Variants in RYR3 observed in about 807,000 individuals in gnomAD.
RYR3 encodes ryanodine receptor 3.
A neutral mutation model predicts 584.3 loss-of-function variants in RYR3; 207 were observed. The observed-to-expected ratio is 0.35, with a 90% CI of 0.32 to 0.40. RYR3 has a LOEUF of 0.40. Ranked by LOEUF, RYR3 falls within the 10% of genes least tolerant of loss-of-function variation. The probability of loss-of-function intolerance (pLI) is 1.00; values close to 1 mark genes in which losing one functional copy is unlikely to be tolerated. For missense variants in RYR3, 5,616 were observed against 6,089.2 expected (o/e 0.92, Z 2.59); for synonymous variants, 2,416 against 2,248.5 (o/e 1.07, Z -2.11).
At chr15:33,802,615 G>A (rs770486532) in intron 69 of RYR3, among the ~76,000 whole-genome samples, 8 of 152,140 alleles carry the variant, frequency 5.3e-5, no homozygotes, top group South Asian at 4.1e-4. Flanking sequence ...CTCCTCTTGC[G>A]TCGGCTCTGC....
intron 43 of RYR3, among the ~76,000 whole-genome samples, chr15:33,718,597 G>A (rs571786061): frequency 6.6e-6 from 1 of 152,126 alleles, no homozygotes; most frequent in Non-Finnish European, 1.5e-5. Flanking sequence ...TACATCAAAA[G>A]AATGGGAAGA....
intron 12 of RYR3, among the ~76,000 whole-genome samples, chr15:33,577,257 G>GA (rs2058347488): frequency 1.3e-5 from 2 of 152,048 alleles, no homozygotes; most frequent in African/African-American, 4.8e-5. Context: ...CACAGAATTA[G>GA]AAAAAACTAC....
chr15:33,825,388 GTATGTAACA>G (rs1456392242), intron 81 of RYR3, among the ~76,000 whole-genome samples: 2 of 152,124 alleles, frequency 1.3e-5, no homozygotes, highest in Admixed American at 1.3e-4. Flanking sequence ...CCCTCTACCT[GTATGTAACA>G]AAGTCTGTGA....
At position 33,813,594 on chromosome 15, in the gene RYR3, T is replaced by A; in HGVS notation, c.10502+15T>A. The stretch of plus-strand genomic sequence containing the variant: ...AACCTGCCCAGGCAAGTATTTTGTC[T>A]TTTTTCCTGGCATGTAAGCCAGCGA... On this transcript the variant is annotated intron_variant, in intron 74 of 103. Coordinates refer to ENST00000634891, the MANE Select transcript of RYR3 (RefSeq NM_001036.6). 1 of 1,602,584 alleles carries A rather than the reference T, an allele frequency of 6.2e-7. No homozygotes were observed. The highest frequency in any genetic ancestry group is 1.3e-5 in the African/African-American group (1 of 74,868).
At chr15:33,769,262 G>A (rs933228532) in intron 62 of RYR3, 90 bp downstream of exon 62, 27 of 971,620 alleles carry the variant, frequency 2.8e-5, no homozygotes, top group Non-Finnish European at 3.8e-5. Flanking sequence ...AAGACAGATC[G>A]CTGCTGCCAG....
intron 12 of RYR3, among the ~76,000 whole-genome samples, chr15:33,568,458 G>T (rs529973721): frequency 1.3e-4 from 20 of 152,078 alleles, no homozygotes; most frequent in Non-Finnish European, 2.5e-4. Context: ...GTACAGTTCC[G>T]TGAGACTTTA....
chr15:33,817,046 C>T (rs1259530141), intron 75 of RYR3, 88 bp downstream of exon 75: 2 of 781,492 alleles, frequency 2.6e-6, no homozygotes, highest in Non-Finnish European at 4.3e-6. Flanking sequence ...GTTAAACATT[C>T]ACAAGGAATC....
intron 1 of RYR3, among the ~76,000 whole-genome samples, chr15:33,368,822 A>G (rs1266151318): frequency 1.3e-5 from 2 of 152,094 alleles, no homozygotes; most frequent in African/African-American, 4.8e-5. Context: ...GATTGGAGAA[A>G]TAGCCTCCTA....
At chr15:33,778,805 A>G (rs1040385177) in intron 64 of RYR3, among the ~76,000 whole-genome samples, 9 of 152,190 alleles carry the variant, frequency 5.9e-5, no homozygotes, top group African/African-American at 2.2e-4. Flanking sequence ...AAAGGACAAG[A>G]CTGAGCCATC....
chr15:33,638,826 C>G (rs553531615), intron 27 of RYR3, among the ~76,000 whole-genome samples: 1 of 151,894 alleles, frequency 6.6e-6, no homozygotes, highest in Non-Finnish European at 1.5e-5. Context: ...TGCATGTTAA[C>G]TACAGAATAC....
chr15:33,751,691 T>C (rs771138176), intron 57 of RYR3, among the ~76,000 whole-genome samples: 4 of 152,156 alleles, frequency 2.6e-5, no homozygotes, highest in Non-Finnish European at 4.4e-5. Context: ...GCCTGTTCAC[T>C]CTGATGGTAG....
At chr15:33,456,535 T>C (rs1316285528) in intron 1 of RYR3, among the ~76,000 whole-genome samples, 2 of 152,192 alleles carry the variant, frequency 1.3e-5, no homozygotes, top group Non-Finnish European at 2.9e-5. Context: ...CTGTCTTGAA[T>C]TCCTGAGAGG....
chr15:33,452,410 C>G (rs1181645420), intron 1 of RYR3, among the ~76,000 whole-genome samples: 3 of 152,156 alleles, frequency 2.0e-5, no homozygotes, highest in Non-Finnish European at 2.9e-5. Context: ...GAAAAAAAAT[C>G]AGTCCCATTT....
chr15:33,372,873 AGT>A (rs1251949386), intron 1 of RYR3, among the ~76,000 whole-genome samples: 2 of 152,156 alleles, frequency 1.3e-5, no homozygotes, highest in African/African-American at 4.8e-5. Context: ...TGACTATTTC[AGT>A]GTGTGTCAAA....
At position 33,699,618 on chromosome 15, in the gene RYR3, T is replaced by C. The variant is rs563529870; in HGVS notation, c.6250-86T>C. ...TTCATTTTTCCAAGTGTTCACACTT[T>C]ACCCACTTAAGACTCTGAGGTCAGA... On this transcript the variant is annotated intron_variant, in intron 40 of 103. Coordinates refer to ENST00000634891, the MANE Select transcript of RYR3 (RefSeq NM_001036.6). 14 of 1,270,846 alleles carry C rather than the reference T, an allele frequency of 1.1e-5. No homozygotes were observed. In the African/African-American group the frequency reaches 1.9e-4, roughly 17 times the overall value. The allele number at this position is 1,270,846 out of a possible 1,614,324, so 78.7% of individuals were successfully genotyped here. A position where few individuals can be genotyped will look rare whatever the true frequency, so the allele number is the denominator to read the frequency against.
chr15:33,630,020 G>C lies in RYR3; in HGVS notation c.2760G>C (p.Leu920=), dbSNP rs750257218. The C allele has an allele frequency of 2.1e-5, 34 of 1,598,578 alleles. 1 individual carries two copies. The highest frequency in any genetic ancestry group is 2.1e-5 in the Non-Finnish European group (25 of 1,171,382). Residue 920 remains leucine (L), a synonymous_variant, in exon 22 of 104, where the codon CTG becomes CTC. Coordinates refer to ENST00000634891, the MANE Select transcript of RYR3 (RefSeq NM_001036.6). ...KLPETEKNYN[L]QMSTETLKTL... ...CAGAAACTGAGAAGAACTATAACCT[G>C]CAAATGTCAACTGAAACCTTAAAGT...
intron 70 of RYR3, among the ~76,000 whole-genome samples, chr15:33,809,616 T>C (rs1012068424): frequency 7.2e-5 from 10 of 137,966 alleles, no homozygotes; most frequent in South Asian, 6.7e-4. Context: ...CTCTCTCTTT[T>C]TTTTTTTTTT....
rs966042838 is a variant in RYR3 at position 33,636,285 on chromosome 15, A to G, written c.3382-91A>G. The G allele has an allele frequency of 2.8e-6, 3 of 1,072,256 alleles. No homozygotes were observed. In the African/African-American group the frequency reaches 4.7e-5, roughly 17 times the overall value. 66.4% of individuals were successfully genotyped at this position (1,072,256 alleles called of 1,614,324 possible). Reference sequence around the variant, plus strand: ...CCCTAGAAATCATGTAACCACTACTAGTTAGGAGATATCGAAGATATGGTC... The same window carrying G: ...CCCTAGAAATCATGTAACCACTACTGGTTAGGAGATATCGAAGATATGGTC... On this transcript the variant is annotated intron_variant, in intron 26 of 103. Transcript: ENST00000634891.
At chr15:33,664,614 TAC>T (rs1555399530) in intron 36 of RYR3, among the ~76,000 whole-genome samples, 47 of 120,536 alleles carry the variant, frequency 3.9e-4, no homozygotes, top group African/African-American at 4.0e-4. Flanking sequence ...TATATATATA[TAC>T]GTATGTATAC....
Sources: allele counts gnomAD v4.1 joint callset (sites outside exome capture counted in the v4.1 genomes callset), GRCh38; gene constraint gnomAD v4.1.1; transcripts MANE v1.5; gene names NCBI Gene and HGNC (gene_info 2026-07-23, HGNC 2026-07-21).